The following TOX variants were observed in gnomAD, a reference collection of about 807,000 sequenced individuals.
The protein encoded by TOX is thymocyte selection associated high mobility group box, also known as thymocyte selection-associated high mobility group box protein TOX.
TOX carries 11 observed loss-of-function variants against 53.7 expected under a neutral mutation model. The observed-to-expected ratio is 0.20, with a 90% CI of 0.13 to 0.34. TOX has a LOEUF of 0.34. TOX is among the 10% of genes least tolerant of loss of function. TOX has a pLI of 1.00. For synonymous variants in TOX, 225 were observed against 245.3 expected, an observed-to-expected ratio of 0.92 and a Z score of 0.77; for missense variants, 570 against 664.6, an observed-to-expected ratio of 0.86 and a Z score of 1.56.
chr8:58,965,909 T>G (rs369669288), intron 1 of TOX, among the ~76,000 whole-genome samples: 13,252 of 144,816 alleles, frequency 0.092, 1,008 homozygotes, highest in Middle Eastern at 0.15. Context: ...TTTTTTTTTT[T>G]TTTTTTTTTT....
intron 1 of TOX, among the ~76,000 whole-genome samples, chr8:59,078,074 T>G (rs1804326762): frequency 1.3e-5 from 2 of 152,100 alleles, no homozygotes; most frequent in South Asian, 4.1e-4. Context: ...AGAAAATTAT[T>G]AGTAATGTCA....
chr8:59,105,104 C>T (rs964379994), intron 1 of TOX, among the ~76,000 whole-genome samples: 4 of 152,124 alleles, frequency 2.6e-5, no homozygotes, highest in African/African-American at 9.7e-5. Flanking sequence ...TTTTAACAAG[C>T]GCATTCCAAA....
intron 1 of TOX, among the ~76,000 whole-genome samples, chr8:59,020,786 T>C (rs1265525087): frequency 6.6e-6 from 1 of 152,118 alleles, no homozygotes; most frequent in Non-Finnish European, 1.5e-5. Flanking sequence ...AAACTTCCCA[T>C]TGTAAATAAA....
At chr8:59,114,577 T>C (rs1459493912) in intron 1 of TOX, among the ~76,000 whole-genome samples, 1 of 152,206 alleles carries the variant, frequency 6.6e-6, no homozygotes. Flanking sequence ...ATATATGTGA[T>C]GTATGAATTA....
chr8:58,934,128 C>A (rs1812305548), intron 3 of TOX, among the ~76,000 whole-genome samples: 1 of 152,184 alleles, frequency 6.6e-6, no homozygotes, highest in South Asian at 2.1e-4. Flanking sequence ...AGAATCAGAA[C>A]TAATTGGCAC....
chr8:58,977,905 G>A (rs1813133678), intron 1 of TOX, among the ~76,000 whole-genome samples: 1 of 152,144 alleles, frequency 6.6e-6, no homozygotes, highest in African/African-American at 2.4e-5. Flanking sequence ...TAAAAAGTTT[G>A]AAATGTGAGA....
intron 1 of TOX, among the ~76,000 whole-genome samples, chr8:58,997,898 T>G (rs1813590271): frequency 6.6e-6 from 1 of 152,070 alleles, no homozygotes. Context: ...GTTCACGCCA[T>G]TCTCCTGCCT....
At chr8:58,863,809 TCC>T (rs1811050635) in intron 3 of TOX, among the ~76,000 whole-genome samples, 1 of 152,084 alleles carries the variant, frequency 6.6e-6, no homozygotes, top group Admixed American at 6.6e-5. Flanking sequence ...GATGAGACTA[TCC>T]CTGTACTCAA....
At chr8:59,100,843 C>A (rs906814942) in intron 1 of TOX, among the ~76,000 whole-genome samples, 1 of 152,086 alleles carries the variant, frequency 6.6e-6, no homozygotes, top group Non-Finnish European at 1.5e-5. Flanking sequence ...AAGAGTTGAG[C>A]ATGAACTCCC....
At position 58,908,120 on chromosome 8, in the gene TOX, AGT is replaced by A. The variant is rs1232757046; in HGVS notation, c.411+31180_411+31181del. Among the ~76,000 whole-genome samples, 4 of 152,144 alleles carry A rather than the reference AGT, an allele frequency of 2.6e-5. No individual in the cohort carries two copies. In the East Asian group the frequency reaches 7.7e-4, roughly 29 times the overall value. On this transcript the variant is annotated intron_variant, in intron 3 of 8. Transcript: ENST00000361421. ...CCCAGAGCCCCCGCCATAGGCCCCC[AGT>A]GTGTGTTTTTCCCCTCAATGCAAAT...
At chr8:58,874,445 G>A (rs756296536) in intron 3 of TOX, among the ~76,000 whole-genome samples, 2 of 152,018 alleles carry the variant, frequency 1.3e-5, no homozygotes, top group Non-Finnish European at 2.9e-5. Context: ...CTAAGGTAAC[G>A]TTGGCTTCTG....
intron 1 of TOX, among the ~76,000 whole-genome samples, chr8:59,020,426 C>T (rs1377058896): frequency 6.6e-6 from 1 of 152,134 alleles, no homozygotes; most frequent in Non-Finnish European, 1.5e-5. Flanking sequence ...TCTGCATGTC[C>T]AAAACTCACT....
At chr8:58,890,919 C>A (rs979940746) in intron 3 of TOX, among the ~76,000 whole-genome samples, 32 of 151,984 alleles carry the variant, frequency 2.1e-4, no homozygotes, top group African/African-American at 7.7e-4. Context: ...TGAGGTGGGG[C>A]CAGTGAGATG....
rs189933280 is a variant in TOX, at chr8:59,040,686, T to G, written c.102+78200A>C. 1.3e-3 allele frequency among the ~76,000 whole-genome samples: 191 copies of G among 152,332 alleles called. 1 individual carries two copies. Among genetic ancestry groups the G allele is most frequent in the Non-Finnish European group, 2.2e-3 (150 of 68,028 alleles). On this transcript the variant is annotated intron_variant, in intron 1 of 8. Transcript: ENST00000361421. ...ACTGCTGAGTCACCAGGGCCACATCTGCACAGCACGACCAAAGCACACTTT... is the reference window on the plus strand; with the variant it reads ...ACTGCTGAGTCACCAGGGCCACATCGGCACAGCACGACCAAAGCACACTTT...
At chr8:58,891,180 A>C (rs754992058) in intron 3 of TOX, among the ~76,000 whole-genome samples, 3 of 152,150 alleles carry the variant, frequency 2.0e-5, no homozygotes, top group African/African-American at 2.4e-5. Context: ...AACAGCGCTG[A>C]GTTGTCTTTT....
intron 3 of TOX, among the ~76,000 whole-genome samples, chr8:58,934,019 A>G (rs1812303889): frequency 6.6e-6 from 1 of 152,196 alleles, no homozygotes; most frequent in African/African-American, 2.4e-5. Context: ...AGAAGTGCAC[A>G]CAAATCAATT....
At chr8:58,826,173 C>T (rs1047852778) in intron 6 of TOX, among the ~76,000 whole-genome samples, 6 of 152,102 alleles carry the variant, frequency 3.9e-5, no homozygotes, top group Non-Finnish European at 5.9e-5. Flanking sequence ...CCACAGTGAA[C>T]GCAGTAACAG....
chr8:59,014,985 G>A (rs1236878559), intron 1 of TOX, among the ~76,000 whole-genome samples: 1 of 152,146 alleles, frequency 6.6e-6, no homozygotes, highest in Non-Finnish European at 1.5e-5. Flanking sequence ...AATACATTGG[G>A]ACAGCTCTCT....
intron 1 of TOX, among the ~76,000 whole-genome samples, chr8:59,083,870 C>G (rs535412924): frequency 6.6e-6 from 1 of 152,268 alleles, no homozygotes; most frequent in Non-Finnish European, 1.5e-5. Context: ...AATTCAGGAA[C>G]AAGCCTCAGT....
Sources: gnomAD v4.1 joint callset for allele counts (sites outside exome capture counted in the v4.1 genomes callset) on GRCh38, gnomAD v4.1.1 for gene constraint, MANE v1.5 for transcripts, NCBI Gene and HGNC (gene_info 2026-07-23, HGNC 2026-07-21) for gene names.